PAMR1: variants seen among roughly 807,000 people sequenced by gnomAD.
The protein encoded by PAMR1 is inactive serine protease PAMR1.
Under a neutral mutation model 81.8 loss-of-function variants are expected in PAMR1, and 88 were observed. The ratio of observed to expected loss-of-function variants is 1.08; its 90% CI spans 0.91 to 1.28. PAMR1 has a LOEUF of 1.28. PAMR1 is among the 50% of genes most tolerant of loss of function. The pLI is 0.00. For synonymous variants in PAMR1, 336 were observed against 345.3 expected, an observed-to-expected ratio of 0.97 and a Z score of 0.30; for missense variants, 935 against 919.7, an observed-to-expected ratio of 1.02 and a Z score of -0.21.
intron 6 of PAMR1, among the ~76,000 whole-genome samples, chr11:35,446,768 T>C (rs1308840974): frequency 6.6e-6 from 1 of 152,210 alleles, no homozygotes; most frequent in African/African-American, 2.4e-5. Flanking sequence ...TATGATCAAT[T>C]TCAGAGTAAG....
chr11:35,432,156 G>C lies in PAMR1; in HGVS notation c.*200C>G. 1 of 596,210 alleles carries C rather than the reference G, an allele frequency of 1.7e-6. No homozygotes were observed. The allele number at this position is 596,210 out of a possible 1,614,324, so 36.9% of individuals were successfully genotyped here. A position where few individuals can be genotyped will look rare whatever the true frequency, so the allele number is the denominator to read the frequency against. On this transcript the variant is annotated 3_prime_UTR_variant, in exon 11 of 11. Coordinates refer to ENST00000619888, the MANE Select transcript of PAMR1 (RefSeq NM_001001991.3). ...AAGCCCTGGCATCTTCCAATTGGCT[G>C]TCCTAGTAGTGGACGCGGCATCAGC...
upstream of PAMR1, among the ~76,000 whole-genome samples, chr11:35,528,365 A>C (rs1851422833): frequency 6.6e-6 from 1 of 152,178 alleles, no homozygotes; most frequent in South Asian, 2.1e-4. Flanking sequence ...CTTACTAACT[A>C]GTCTTATCTC....
At position 35,490,121 on chromosome 11, in the gene PAMR1, G is replaced by A. The variant is rs148501892; in HGVS notation, c.379+1924C>T. ...CAGCAGGCAAGAGAGCTTATGCAGG[G>A]GAACTCCTGTTTATAAAACCATCAG... On this transcript the variant is annotated intron_variant, in intron 3 of 10. Transcript: ENST00000619888. Among the ~76,000 whole-genome samples the A allele has an allele frequency of 5.1e-3, 769 of 152,242 alleles. 1 individual carries two copies. The highest frequency in any genetic ancestry group is 0.017 in the African/African-American group (719 of 41,532).
At chr11:35,528,114 A>G (rs625659), upstream of PAMR1, among the ~76,000 whole-genome samples, 124,059 of 151,890 alleles carry the variant, frequency 0.82, 50,876 homozygotes, top group African/African-American at 0.86. Context: ...AACCTGAAGG[A>G]TAGCAGTCTA....
intron 3 of PAMR1, among the ~76,000 whole-genome samples, chr11:35,478,067 C>T (rs1050789519): frequency 8.5e-5 from 13 of 152,210 alleles, no homozygotes; most frequent in Non-Finnish European, 1.5e-4. Flanking sequence ...CAGCAAACCT[C>T]CTGCTGGGGA....
At chr11:35,526,299 T>G (rs1219340534), upstream of PAMR1, among the ~76,000 whole-genome samples, 1 of 152,146 alleles carries the variant, frequency 6.6e-6, no homozygotes, top group Non-Finnish European at 1.5e-5. Flanking sequence ...CTGGAAAAAG[T>G]TTTCCTCTTC....
chr11:35,509,122 T>A (rs1851029641), intron 1 of PAMR1, among the ~76,000 whole-genome samples: 1 of 152,166 alleles, frequency 6.6e-6, no homozygotes, highest in Non-Finnish European at 1.5e-5. Flanking sequence ...GAGGTGATGG[T>A]TTGGATGATT....
intron 6 of PAMR1, among the ~76,000 whole-genome samples, chr11:35,449,686 C>T (rs931012403): frequency 2.6e-5 from 4 of 152,174 alleles, no homozygotes; most frequent in South Asian, 2.1e-4. Flanking sequence ...AAGCAGCCTC[C>T]GAGAGACTGC....
Position 35,436,057 on chromosome 11 carries a change from G to A in PAMR1, c.1179C>T (p.Ala393=). The change falls in exon 9 of 11, where the codon GCC becomes GCT. Residue 393 remains alanine, a synonymous_variant. Coordinates refer to ENST00000619888, the MANE Select transcript of PAMR1 (RefSeq NM_001001991.3). ...CCATGGGCAGATCTCCAAAGGGAAG[G>A]GCTGGCTTCTTGGTAGGGGCACTCT... is the stretch of plus-strand genomic sequence containing the variant. The part of the protein sequence containing the change: ...KLQSAPTKKP[A]LPFGDLPMGY... 6.2e-7 allele frequency: 1 copy of A among 1,614,122 alleles called. No homozygotes were observed. The highest frequency in any genetic ancestry group is 8.5e-7 in the Non-Finnish European group (1 of 1,179,992).
At chr11:35,486,173 G>T (rs1241671820) in intron 3 of PAMR1, among the ~76,000 whole-genome samples, 1 of 152,320 alleles carries the variant, frequency 6.6e-6, no homozygotes, top group Non-Finnish European at 1.5e-5. Context: ...GTTCCCTGGT[G>T]ACCAGCCCAG....
intron 1 of PAMR1, among the ~76,000 whole-genome samples, chr11:35,520,206 GT>G (rs1413343075): frequency 6.6e-6 from 1 of 152,122 alleles, no homozygotes; most frequent in Non-Finnish European, 1.5e-5. Context: ...ATGCCTTGAT[GT>G]GCAACCCCTA....
At chr11:35,468,947 G>A (rs1856804147) in intron 5 of PAMR1, among the ~76,000 whole-genome samples, 1 of 151,972 alleles carries the variant, frequency 6.6e-6, no homozygotes, top group Admixed American at 6.6e-5. Context: ...CATGACAAGG[G>A]AGAAATACAA....
intron 1 of PAMR1, among the ~76,000 whole-genome samples, chr11:35,499,962 T>C (rs1177026604): frequency 6.6e-6 from 1 of 152,160 alleles, no homozygotes; most frequent in Non-Finnish European, 1.5e-5. Flanking sequence ...AAAGGAGGTG[T>C]GCCGACAGAA....
At chr11:35,507,418 T>TAAAG (rs1555043375) in intron 1 of PAMR1, among the ~76,000 whole-genome samples, 1 of 151,030 alleles carries the variant, frequency 6.6e-6, no homozygotes, top group East Asian at 2.0e-4. Context: ...AAGCCTCAAA[T>TAAAG]TTTTCAGTTC....
At chr11:35,501,289 C>A (rs997352843) in intron 1 of PAMR1, among the ~76,000 whole-genome samples, 3 of 151,762 alleles carry the variant, frequency 2.0e-5, no homozygotes, top group Non-Finnish European at 4.4e-5. Flanking sequence ...TGCCACCAGG[C>A]CCAGCTAATT....
At chr11:35,441,107 C>T (rs146819224) in intron 7 of PAMR1, among the ~76,000 whole-genome samples, 2 of 152,318 alleles carry the variant, frequency 1.3e-5, no homozygotes, top group East Asian at 3.9e-4. Flanking sequence ...TTTTATTTCT[C>T]ACATCAACTT....
At chr11:35,438,764 G>A (rs1856103298) in intron 8 of PAMR1, among the ~76,000 whole-genome samples, 1 of 152,194 alleles carries the variant, frequency 6.6e-6, no homozygotes, top group Admixed American at 6.5e-5. Context: ...GAGATGCTAA[G>A]ATAAAAACAG....
In PAMR1 at chr11:35,484,101, C is replaced by T. The variant is rs891081153; in HGVS notation, c.379+7944G>A. On this transcript the variant is annotated intron_variant, in intron 3 of 10. Coordinates refer to ENST00000619888, the MANE Select transcript of PAMR1 (RefSeq NM_001001991.3). ...GCATCCACCATTTATTGAGCACTTACTATATACCAGACTCTATCCACCATT... is the reference window on the plus strand; with the variant it reads ...GCATCCACCATTTATTGAGCACTTATTATATACCAGACTCTATCCACCATT... Among the ~76,000 whole-genome samples, 3 of 152,176 alleles carry T rather than the reference C, an allele frequency of 2.0e-5. No individual in the cohort carries two copies. In the East Asian group the frequency reaches 5.8e-4, roughly 29 times the overall value.
Position 35,439,642 on chromosome 11 carries a change from A to G in PAMR1, c.1085T>C (p.Met362Thr). The change falls in exon 8 of 11, where the codon ATG becomes ACG. Residue 362 changes from methionine to threonine, a missense_variant. Physicochemically the swap from Met to Thr is moderately conservative, Grantham distance 81. Coordinates refer to ENST00000619888, the MANE Select transcript of PAMR1 (RefSeq NM_001001991.3). ...TTGACCTCACCTTGACTGAACCTGC[A>G]TCGGAAGAACTCTCCTTCTCACCAG... ...SDLVRRRVLP[M>T]QVQSRETPLH... is the part of the protein sequence containing the mutation. The G allele has an allele frequency of 1.1e-5, 17 of 1,614,044 alleles. No individual in the cohort carries two copies. Among genetic ancestry groups the G allele is most frequent in the Non-Finnish European group, 1.4e-5 (17 of 1,179,866 alleles).
Sources: allele counts gnomAD v4.1 joint callset (sites outside exome capture counted in the v4.1 genomes callset), GRCh38; gene constraint gnomAD v4.1.1; transcripts MANE v1.5; gene names NCBI Gene and HGNC (gene_info 2026-07-23, HGNC 2026-07-21).